Variants in WDR89 observed in about 807,000 individuals in gnomAD.
The protein encoded by WDR89 is WD repeat-containing protein 89.
A neutral mutation model predicts 29.1 loss-of-function variants in WDR89; 17 were observed. The observed-to-expected ratio is 0.58, with a 90% confidence interval of 0.40 to 0.88. The LOEUF (loss-of-function observed/expected upper bound fraction) is 0.88. Among genes scored for constraint, WDR89 ranks in the 40% least tolerant of loss-of-function variants. The pLI is 0.00. For missense variants in WDR89, 396 were observed against 456.3 expected (o/e 0.87, Z 1.20); for synonymous variants, 138 against 157.8 (o/e 0.87, Z 0.94).
chr14:63,601,523 G>GT, intron 2 of WDR89: 1 of 1,512,196 alleles, frequency 6.6e-7, no homozygotes, highest in Non-Finnish European at 9.2e-7. Context: ...CAGGACAAGC[G>GT]TTTAAGTTTC....
At chr14:63,600,410 T>G (rs1895005599) in intron 2 of WDR89, among the ~76,000 whole-genome samples, 1 of 152,116 alleles carries the variant, frequency 6.6e-6, no homozygotes, top group African/African-American at 2.4e-5. Context: ...GTAGGAGGAC[T>G]GCTTGAGACC....
chr14:63,600,800 A>G (rs1236214996), intron 2 of WDR89, among the ~76,000 whole-genome samples: 1 of 145,968 alleles, frequency 6.9e-6, no homozygotes, highest in Non-Finnish European at 1.5e-5. Context: ...ATCTGTGAAT[A>G]TGTTAGGTTA....
At chr14:63,614,370 C>A (rs1045674620) in intron 2 of WDR89, among the ~76,000 whole-genome samples, 1 of 149,912 alleles carries the variant, frequency 6.7e-6, no homozygotes, top group African/African-American at 2.5e-5. Flanking sequence ...TGCAGTGGTG[C>A]AATCACAGCT....
chr14:63,624,859 A>G (rs536510152), intron 2 of WDR89, 69 bp downstream of exon 2: 1 of 152,320 alleles, frequency 6.6e-6, no homozygotes, highest in African/African-American at 2.4e-5. Context: ...TCATACACTG[A>G]TGGTAAAATG....
In WDR89 at chr14:63,600,717, C is replaced by CCAA. The variant is rs1171343231; in HGVS notation, c.-31-745_-31-744insTTG. ...TAGAATTTAAACATAGATATGTAGG[C>CCAA]AAAAAAAAAAAAAAAAAAAAAAAAA... is the stretch of plus-strand genomic sequence containing the variant. On this transcript the variant is annotated intron_variant, in intron 2 of 2. Transcript: ENST00000620954. Among the ~76,000 whole-genome samples, 4 of 36,208 alleles carry CCAA rather than the reference C, an allele frequency of 1.1e-4. No homozygotes were observed. In the East Asian group the frequency reaches 4.1e-3, roughly 38 times the overall value. 23.8% of individuals were successfully genotyped at this position (36,208 alleles called of 152,430 possible).
chr14:63,620,004 CAAAA>C (rs71120271), intron 2 of WDR89, among the ~76,000 whole-genome samples: 12 of 72,456 alleles, frequency 1.7e-4, no homozygotes, highest in African/African-American at 5.1e-4. Context: ...GACTCCATCT[CAAAA>C]AAAAAAAAAA....
At chr14:63,600,092 G>T in intron 2 of WDR89, 119 bp from the exon 3 acceptor site, 1 of 516,066 alleles carries the variant, frequency 1.9e-6, no homozygotes, top group South Asian at 4.6e-5. Flanking sequence ...TTCCTCTGAG[G>T]GCTGGCATGA....
At chr14:63,600,717 C>CAAAAAAAAAAAAAAAAAA (rs56059698) in intron 2 of WDR89, among the ~76,000 whole-genome samples, 1 of 36,206 alleles carries the variant, frequency 2.8e-5, no homozygotes, top group African/African-American at 5.8e-5. Context: ...GATATGTAGG[C>CAAAAAAAAAAAAAAAAAA]AAAAAAAAAA....
intron 2 of WDR89, among the ~76,000 whole-genome samples, chr14:63,600,945 G>A (rs998752166): frequency 6.6e-6 from 1 of 152,068 alleles, no homozygotes; most frequent in African/African-American, 2.4e-5. Context: ...GTCTTCAAAA[G>A]TGGAAGAGGG....
chr14:63,627,150 A>ACACACT (rs1433982075), intron 1 of WDR89, among the ~76,000 whole-genome samples: 23 of 127,270 alleles, frequency 1.8e-4, no homozygotes, highest in East Asian at 9.0e-4. Flanking sequence ...ACACACACAC[A>ACACACT]CTCTCTCTCT....
chr14:63,603,381 A>AACC (rs1895171248), intron 2 of WDR89, among the ~76,000 whole-genome samples: 1 of 152,204 alleles, frequency 6.6e-6, no homozygotes. Context: ...GCATCTCTCC[A>AACC]ACCTTCTGTT....
chr14:63,641,408 C>T (rs1181299269), intron 1 of WDR89: 1 of 152,276 alleles, frequency 6.6e-6, no homozygotes, highest in Non-Finnish European at 1.5e-5. Flanking sequence ...GCTTTCTGGC[C>T]TACAAAAGGA....
chr14:63,611,549 T>C (rs1595023201), intron 2 of WDR89, among the ~76,000 whole-genome samples: 2 of 151,908 alleles, frequency 1.3e-5, no homozygotes, highest in East Asian at 3.9e-4. Context: ...ATTCCAATGT[T>C]AATTTCTTAG....
chr14:63,625,240 C>T (rs1016069985), intron 1 of WDR89, among the ~76,000 whole-genome samples: 2 of 152,084 alleles, frequency 1.3e-5, no homozygotes, highest in Non-Finnish European at 2.9e-5. Flanking sequence ...ATTTAAATAA[C>T]ATTCTGGAAA....
intron 1 of WDR89, chr14:63,630,746 G>T (rs116409293): frequency 6.6e-5 from 10 of 151,536 alleles, no homozygotes; most frequent in African/African-American, 2.4e-4. Context: ...CTTGCACACG[G>T]ATGACATGAA....
At chr14:63,621,228 T>C (rs945931825) in intron 2 of WDR89, among the ~76,000 whole-genome samples, 1 of 152,136 alleles carries the variant, frequency 6.6e-6, no homozygotes, top group African/African-American at 2.4e-5. Flanking sequence ...CAAAAAAACT[T>C]ATACATAAAT....
Position 63,599,626 on chromosome 14 carries a change from G to T in WDR89, c.317C>A (p.Pro106His). The T allele has an allele frequency of 6.2e-7, 1 of 1,614,150 alleles. No individual in the cohort carries two copies. Among genetic ancestry groups the T allele is most frequent in the East Asian group, 2.2e-5 (1 of 44,880 alleles). Reference sequence around the variant, plus strand: ...AGGGTAACCCTTGAAGAGCTGAACAGGTTTTTCTCTGGCTACTCGAGCATC... The same window carrying T: ...AGGGTAACCCTTGAAGAGCTGAACATGTTTTTCTCTGGCTACTCGAGCATC... ...CWDARVAREK[P>H]VQLFKGYPSN... The change falls in exon 3 of 3, where the codon CCT becomes CAT. Residue 106 changes from proline to histidine, a missense_variant. Transcript: ENST00000620954.
intron 1 of WDR89, among the ~76,000 whole-genome samples, chr14:63,626,643 C>G (rs1049199484): frequency 3.4e-5 from 4 of 116,298 alleles, no homozygotes; most frequent in African/African-American, 9.6e-5. Flanking sequence ...CACACCACTG[C>G]ATTCCAGCCT....
chr14:63,630,968 C>T (rs745949054), intron 1 of WDR89, among the ~76,000 whole-genome samples: 1 of 151,998 alleles, frequency 6.6e-6, no homozygotes, highest in Non-Finnish European at 1.5e-5. Flanking sequence ...TTTGTAGACA[C>T]AAGGTCTCAC....
Sources: gnomAD v4.1 joint callset for allele counts (sites outside exome capture counted in the v4.1 genomes callset) on GRCh38, gnomAD v4.1.1 for gene constraint, MANE v1.5 for transcripts, NCBI Gene and HGNC (gene_info 2026-07-23, HGNC 2026-07-21) for gene names.